The following TFEC variants were observed in gnomAD, a reference collection of about 807,000 sequenced individuals.
TFEC encodes the protein class E basic helix-loop-helix protein 34.
A neutral mutation model predicts 41.6 loss-of-function variants in TFEC; 31 were observed. The observed-to-expected ratio is 0.74, with a 90% confidence interval of 0.56 to 1.01. The LOEUF is 1.01. TFEC is among the 50% of genes least tolerant of loss of function. The pLI, the probability that TFEC is intolerant of heterozygous loss-of-function variation, is 0.00. For missense variants in TFEC, 402 were observed against 404.1 expected, an observed-to-expected ratio of 0.99 and a Z score of 0.04; for synonymous variants, 143 against 140.6, an observed-to-expected ratio of 1.02 and a Z score of -0.12.
intron 1 of TFEC, among the ~76,000 whole-genome samples, chr7:116,144,454 G>C (rs555286206): frequency 6.6e-6 from 1 of 152,238 alleles, no homozygotes; most frequent in South Asian, 2.1e-4. Context: ...TGCCCAGTTT[G>C]TTTGGTCAAA....
At chr7:116,008,279 G>T (rs1794875331) in intron 1 of TFEC, among the ~76,000 whole-genome samples, 1 of 152,104 alleles carries the variant, frequency 6.6e-6, no homozygotes, top group Admixed American at 6.6e-5. Flanking sequence ...AATACGAACA[G>T]AAATATTTAC....
intron 3 of TFEC, among the ~76,000 whole-genome samples, chr7:116,042,948 G>C (rs1796075031): frequency 6.6e-6 from 1 of 152,136 alleles, no homozygotes; most frequent in Non-Finnish European, 1.5e-5. Flanking sequence ...TAATATGTGA[G>C]AGAGCTGATC....
At chr7:115,963,964 C>A (rs1792706441) in intron 3 of TFEC, among the ~76,000 whole-genome samples, 1 of 151,582 alleles carries the variant, frequency 6.6e-6, no homozygotes, top group Non-Finnish European at 1.5e-5. Flanking sequence ...GGATATACTA[C>A]CAACAGGGAG....
In TFEC at chr7:115,936,481, G is replaced by C. The variant is rs1405706928; in HGVS notation, c.*4070C>G. 1 of 151,526 alleles carries C rather than the reference G, an allele frequency of 6.6e-6. No individual in the cohort carries two copies. The highest frequency in any genetic ancestry group is 6.6e-5 in the Admixed American group (1 of 15,186). 9.4% of individuals were successfully genotyped at this position (151,526 alleles called of 1,614,324 possible). A position where few individuals can be genotyped will look rare whatever the true frequency, so the allele number is the denominator to read the frequency against. Reference sequence around the variant, plus strand: ...TATTCCACATCTTACACATCAGACGGTCAGTAAATACCTAAAGTGTTTGAA... The same window carrying C: ...TATTCCACATCTTACACATCAGACGCTCAGTAAATACCTAAAGTGTTTGAA... On this transcript the variant is annotated 3_prime_UTR_variant, in exon 8 of 8. Coordinates refer to ENST00000265440, the MANE Select transcript of TFEC (RefSeq NM_012252.4).
At chr7:116,132,763 C>T (rs182482302) in intron 1 of TFEC, among the ~76,000 whole-genome samples, 4 of 152,232 alleles carry the variant, frequency 2.6e-5, no homozygotes, top group South Asian at 2.1e-4. Flanking sequence ...AGAACTATAG[C>T]GTTAAAACAA....
intron 1 of TFEC, among the ~76,000 whole-genome samples, chr7:116,134,525 T>A (rs1054218201): frequency 2.9e-4 from 44 of 152,154 alleles, no homozygotes; most frequent in African/African-American, 9.6e-4. Flanking sequence ...GTCTCTGAAA[T>A]TTTTTTTATT....
At chr7:115,945,593 A>G (rs1791488224) in intron 6 of TFEC, among the ~76,000 whole-genome samples, 1 of 151,768 alleles carries the variant, frequency 6.6e-6, no homozygotes, top group South Asian at 2.2e-4. Context: ...GATATACGGA[A>G]AAATCCACGT....
intron 1 of TFEC, among the ~76,000 whole-genome samples, chr7:116,115,979 A>G (rs1797979124): frequency 6.6e-6 from 1 of 151,996 alleles, no homozygotes; most frequent in Non-Finnish European, 1.5e-5. Flanking sequence ...AGTTACTTGT[A>G]CATGGCTTTG....
chr7:116,157,931 C>T (rs1000535380), intron 1 of TFEC, among the ~76,000 whole-genome samples: 3 of 152,134 alleles, frequency 2.0e-5, no homozygotes, highest in African/African-American at 7.2e-5. Flanking sequence ...TGAAATGTGG[C>T]ACATATCAGA....
At chr7:115,977,640 C>A (rs892093679) in intron 2 of TFEC, among the ~76,000 whole-genome samples, 1 of 150,712 alleles carries the variant, frequency 6.6e-6, no homozygotes, top group Non-Finnish European at 1.5e-5. Flanking sequence ...GAAACTGATA[C>A]AAAACAAAAG....
chr7:115,969,473 G>A, intron 3 of TFEC, among the ~76,000 whole-genome samples: 1 of 151,870 alleles, frequency 6.6e-6, no homozygotes, highest in East Asian at 1.9e-4. Context: ...ACCATGCAAA[G>A]ATCTGAGACA....
At chr7:116,019,072 A>C (rs1346580458) in intron 1 of TFEC, among the ~76,000 whole-genome samples, 5 of 152,134 alleles carry the variant, frequency 3.3e-5, no homozygotes, top group African/African-American at 1.2e-4. Context: ...AGGAAAAAAA[A>C]ATAGCCAATG....
chr7:116,125,382 T>C (rs1798188310), intron 1 of TFEC, among the ~76,000 whole-genome samples: 1 of 152,154 alleles, frequency 6.6e-6, no homozygotes, highest in African/African-American at 2.4e-5. Flanking sequence ...GCAATGATGT[T>C]GGAAAGCTGA....
chr7:116,125,504 CT>C (rs1045107981), intron 1 of TFEC, among the ~76,000 whole-genome samples: 11 of 152,150 alleles, frequency 7.2e-5, no homozygotes, highest in African/African-American at 2.7e-4. Flanking sequence ...CATGGTTGTG[CT>C]TTGGAACAAT....
intron 3 of TFEC, among the ~76,000 whole-genome samples, chr7:116,092,124 G>A (rs1163974776): frequency 6.6e-6 from 1 of 151,756 alleles, no homozygotes; most frequent in Admixed American, 6.6e-5. Flanking sequence ...CCAAATATAG[G>A]GACCTTTTTT....
At chr7:116,158,606 T>C (rs1186235999) in intron 1 of TFEC, among the ~76,000 whole-genome samples, 2 of 152,094 alleles carry the variant, frequency 1.3e-5, no homozygotes, top group Non-Finnish European at 2.9e-5. Context: ...ATCAATGATA[T>C]CCAAAGGAAA....
At chr7:116,019,420 A>T (rs771004034) in intron 1 of TFEC, among the ~76,000 whole-genome samples, 1 of 152,216 alleles carries the variant, frequency 6.6e-6, no homozygotes, top group Admixed American at 6.5e-5. Context: ...AGCATCCAAC[A>T]TGGTTTTAGT....
chr7:115,981,129 C>G (rs968846163), intron 2 of TFEC, among the ~76,000 whole-genome samples: 1 of 152,022 alleles, frequency 6.6e-6, no homozygotes, highest in Non-Finnish European at 1.5e-5. Flanking sequence ...TGTAGCCCCA[C>G]CCTAATCCTC....
intron 3 of TFEC, among the ~76,000 whole-genome samples, chr7:116,071,269 T>C (rs372935645): frequency 6.6e-6 from 1 of 150,856 alleles, no homozygotes. Flanking sequence ...CCAACAGCTA[T>C]GACATAATGA....
Sources: gnomAD v4.1 joint callset for allele counts (sites outside exome capture counted in the v4.1 genomes callset) on GRCh38, gnomAD v4.1.1 for gene constraint, MANE v1.5 for transcripts, NCBI Gene and HGNC (gene_info 2026-07-23, HGNC 2026-07-21) for gene names.